Variants in CTNNA3 observed in about 807,000 individuals in gnomAD.
CTNNA3 encodes catenin alpha 3.
CTNNA3 carries 76 observed loss-of-function variants against 95.7 expected under a neutral mutation model. That is an observed-to-expected ratio of 0.79 (90% CI 0.66 to 0.96). CTNNA3 has a LOEUF of 0.96. Ranked by LOEUF, CTNNA3 falls within the 40% of genes least tolerant of loss-of-function variation. The pLI is 0.00. For missense variants in CTNNA3, 1,191 were observed against 1,089.8 expected (o/e 1.09, Z -1.31); for synonymous variants, 431 against 374.4 (o/e 1.15, Z -1.74).
At chr10:66,557,602 T>A (rs956596191) in intron 10 of CTNNA3, among the ~76,000 whole-genome samples, 2 of 152,128 alleles carry the variant, frequency 1.3e-5, no homozygotes, top group Non-Finnish European at 1.5e-5. Context: ...TTTCTCTCAA[T>A]ATCCCATCTG....
intron 5 of CTNNA3, among the ~76,000 whole-genome samples, chr10:67,350,530 A>G (rs1480617553): frequency 1.3e-5 from 2 of 151,580 alleles, no homozygotes; most frequent in African/African-American, 4.8e-5. Flanking sequence ...GATTATAACC[A>G]TAAAGATCTG....
chr10:67,186,533 A>G (rs746153110), intron 6 of CTNNA3, among the ~76,000 whole-genome samples: 1 of 152,180 alleles, frequency 6.6e-6, no homozygotes, highest in Admixed American at 6.5e-5. Context: ...CCAACCTACT[A>G]AAGTTTTCAC....
intron 9 of CTNNA3, among the ~76,000 whole-genome samples, chr10:66,648,755 C>T (rs1352593403): frequency 6.6e-6 from 1 of 151,914 alleles, no homozygotes; most frequent in Non-Finnish European, 1.5e-5. Context: ...AAAGTACAGG[C>T]GTGGCAGCGG....
At chr10:65,994,141 G>A (rs751047548) in intron 15 of CTNNA3, among the ~76,000 whole-genome samples, 8 of 152,040 alleles carry the variant, frequency 5.3e-5, no homozygotes, top group Admixed American at 2.0e-4. Flanking sequence ...TGTATACTTC[G>A]TTCCTTTCTT....
At chr10:67,157,764 A>C (rs1473918177) in intron 7 of CTNNA3, among the ~76,000 whole-genome samples, 1 of 152,168 alleles carries the variant, frequency 6.6e-6, no homozygotes, top group Non-Finnish European at 1.5e-5. Flanking sequence ...AAGAAGCCCA[A>C]GAATTAGTGC....
chr10:67,071,871 T>C (rs1371020762), intron 7 of CTNNA3, among the ~76,000 whole-genome samples: 4 of 152,244 alleles, frequency 2.6e-5, no homozygotes, highest in African/African-American at 9.6e-5. Flanking sequence ...CAATTTATCA[T>C]ATGTCCCTAG....
At chr10:67,725,470 C>T (rs990573432) in intron 1 of CTNNA3, among the ~76,000 whole-genome samples, 2 of 152,138 alleles carry the variant, frequency 1.3e-5, no homozygotes, top group African/African-American at 4.8e-5. Flanking sequence ...AGCCACTGCG[C>T]CCGGCCTTAT....
intron 7 of CTNNA3, among the ~76,000 whole-genome samples, chr10:66,922,337 G>A (rs562206624): frequency 9.2e-5 from 14 of 152,200 alleles, no homozygotes; most frequent in African/African-American, 3.4e-4. Context: ...CGCTATAGTC[G>A]ACAAGTAAAA....
At position 66,811,425 on chromosome 10, in the gene CTNNA3, C is replaced by T. The variant is rs555625612; in HGVS notation, c.1048-35901G>A. ...GAATGAAGAGCCAATTCTGAATCTACGCAAGAGGAATTTAAGGAATTTTAA... is the reference window on the plus strand; with the variant it reads ...GAATGAAGAGCCAATTCTGAATCTATGCAAGAGGAATTTAAGGAATTTTAA... On this transcript the variant is annotated intron_variant, in intron 7 of 17. Transcript: ENST00000433211. Among the ~76,000 whole-genome samples, 22 of 152,238 alleles carry T rather than the reference C, an allele frequency of 1.4e-4. No homozygotes were observed. In the South Asian group the frequency reaches 3.5e-3, roughly 24 times the overall value.
At chr10:66,644,241 G>A (rs1455010066) in intron 9 of CTNNA3, among the ~76,000 whole-genome samples, 3 of 150,592 alleles carry the variant, frequency 2.0e-5, no homozygotes, top group African/African-American at 4.9e-5. Flanking sequence ...CCTGAGTGAC[G>A]GAATAAGAGA....
intron 9 of CTNNA3, among the ~76,000 whole-genome samples, chr10:66,763,410 T>C (rs1589227617): frequency 6.6e-6 from 1 of 151,212 alleles, no homozygotes; most frequent in Non-Finnish European, 1.5e-5. Context: ...GTGCAAGCAG[T>C]ATGCCTAAAA....
chr10:67,482,107 T>C (rs1848256701), intron 5 of CTNNA3, among the ~76,000 whole-genome samples: 2 of 151,976 alleles, frequency 1.3e-5, no homozygotes, highest in African/African-American at 4.8e-5. Flanking sequence ...CATTGATCTA[T>C]ATCTCTGTTT....
chr10:67,253,870 T>C (rs1241790390), intron 5 of CTNNA3, among the ~76,000 whole-genome samples: 4 of 152,148 alleles, frequency 2.6e-5, no homozygotes, highest in Admixed American at 6.5e-5. Flanking sequence ...GCCACTCAAA[T>C]ACCCATAGTT....
chr10:67,440,979 C>G (rs545173968), intron 5 of CTNNA3, among the ~76,000 whole-genome samples: 1 of 151,664 alleles, frequency 6.6e-6, no homozygotes, highest in African/African-American at 2.4e-5. Context: ...CCAATACTGG[C>G]GACACAGAGA....
At chr10:67,523,101 T>A (rs1840033880) in intron 4 of CTNNA3, among the ~76,000 whole-genome samples, 1 of 152,146 alleles carries the variant, frequency 6.6e-6, no homozygotes, top group Non-Finnish European at 1.5e-5. Flanking sequence ...CTGAATTAAA[T>A]CCCTAATTTC....
At chr10:67,555,077 T>C (rs528077488) in intron 3 of CTNNA3, among the ~76,000 whole-genome samples, 1 of 152,320 alleles carries the variant, frequency 6.6e-6, no homozygotes, top group Non-Finnish European at 1.5e-5. Context: ...ATGTGCGGTA[T>C]TATTTCTGAG....
intron 11 of CTNNA3, among the ~76,000 whole-genome samples, chr10:66,519,508 T>C (rs1840981941): frequency 6.6e-6 from 1 of 152,186 alleles, no homozygotes; most frequent in African/African-American, 2.4e-5. Flanking sequence ...AGGACAAACC[T>C]GCCTCCCATT....
At chr10:66,069,205 C>T in intron 15 of CTNNA3, 103 bp downstream of exon 15, 1 of 1,110,372 alleles carries the variant, frequency 9.0e-7, no homozygotes, top group Non-Finnish European at 1.3e-6. Flanking sequence ...TCCCCTACCA[C>T]CTGATTTTTG....
intron 7 of CTNNA3, among the ~76,000 whole-genome samples, chr10:67,005,735 G>A (rs1192941586): frequency 8.5e-6 from 1 of 117,710 alleles, no homozygotes; most frequent in East Asian, 2.8e-4. Context: ...GCCCAAGCTG[G>A]AGTGCAATGG....
Sources: gnomAD v4.1 joint callset for allele counts (sites outside exome capture counted in the v4.1 genomes callset) on GRCh38, gnomAD v4.1.1 for gene constraint, MANE v1.5 for transcripts, NCBI Gene and HGNC (gene_info 2026-07-23, HGNC 2026-07-21) for gene names.